Variants in RPL6 observed in about 807,000 individuals in gnomAD.
The protein encoded by RPL6 is ribosomal protein L6.
Under a neutral mutation model 32.1 loss-of-function variants are expected in RPL6, and 1 was observed. That is an observed-to-expected ratio of 0.03 (90% CI 0.01 to 0.15). The LOEUF (loss-of-function observed/expected upper bound fraction) is 0.15. Among genes scored for constraint, RPL6 ranks in the 10% least tolerant of loss-of-function variants. The pLI, the probability that RPL6 is intolerant of heterozygous loss-of-function variation, is 1.00. For synonymous variants in RPL6, 126 were observed against 131.6 expected (o/e 0.96, Z 0.29); for missense variants, 275 against 354.6 (o/e 0.78, Z 1.80).
chr12:112,409,248 G>A, intron 1 of RPL6: 2 of 385,204 alleles, frequency 5.2e-6, no homozygotes, highest in Non-Finnish European at 9.2e-6. Context: ...GACAGGCTCA[G>A]TGTCATCCTC....
At chr12:112,408,166 T>G in intron 3 of RPL6, 74 bp downstream of exon 3, 1 of 1,106,840 alleles carries the variant, frequency 9.0e-7, no homozygotes, top group African/African-American at 1.6e-5. Flanking sequence ...ACTTACAGTA[T>G]CTAAGTATTC....
chr12:112,416,118 C>G (rs1454896140), intron 1 of RPL6, among the ~76,000 whole-genome samples: 7 of 148,976 alleles, frequency 4.7e-5, no homozygotes, highest in African/African-American at 1.7e-4. Context: ...GCCACTGCAC[C>G]CAGCTAAATT....
chr12:112,405,462 C>A (rs982131965), intron 6 of RPL6, 86 bp from the exon 7 acceptor site: 2 of 1,288,434 alleles, frequency 1.6e-6, no homozygotes, highest in Non-Finnish European at 2.2e-6. Flanking sequence ...CTCACAAGTA[C>A]TAATCCCCAA....
At chr12:112,414,683 CACG>C (rs1415256230), upstream of RPL6, among the ~76,000 whole-genome samples, 9 of 152,142 alleles carry the variant, frequency 5.9e-5, no homozygotes, top group African/African-American at 1.9e-4. Context: ...TCGGGTGGAT[CACG>C]AGGTCAGGAG....
chr12:112,406,115 A>T (rs919030729), intron 5 of RPL6, 78 bp from the exon 6 acceptor site: 1 of 1,346,890 alleles, frequency 7.4e-7, no homozygotes, highest in Non-Finnish European at 1.0e-6. Context: ...ATTACTTGTT[A>T]TGTTGCTACA....
intron 2 of RPL6, 31 bp downstream of exon 2, chr12:112,408,389 G>A: frequency 6.2e-7 from 1 of 1,613,502 alleles, no homozygotes; most frequent in Non-Finnish European, 8.5e-7. Flanking sequence ...TTAAGGTTAA[G>A]ACATAATGGT....
chr12:112,411,697 G>A (rs1275964537), upstream of RPL6, among the ~76,000 whole-genome samples: 1 of 152,028 alleles, frequency 6.6e-6, no homozygotes, highest in African/African-American at 2.4e-5. Context: ...AAATAAAAAC[G>A]TAGATGAACC....
At chr12:112,417,337 C>T (rs868357893) in intron 1 of RPL6, among the ~76,000 whole-genome samples, 2 of 151,848 alleles carry the variant, frequency 1.3e-5, no homozygotes, top group Non-Finnish European at 2.9e-5. Context: ...GGATTACAGG[C>T]GTGAGCCACC....
rs760262795 is a variant in RPL6 at position 112,408,609 on chromosome 12, G to C, written c.48C>G (p.Pro16=). 5.7e-6 allele frequency: 9 copies of C among 1,585,516 alleles called. No individual in the cohort carries two copies. The highest frequency in any genetic ancestry group is 5.1e-6 in the Non-Finnish European group (6 of 1,173,820). ...VEKPDTKEKK[P]EAKKVDAGGK... ...CACCAGCATCAACCTTCTTGGCTTC[G>C]GGTTTCTTCTCTTTAGTATCTGGCT... Residue 16 remains proline (P), a synonymous_variant, in exon 2 of 7, where the codon CCC becomes CCG. Coordinates refer to ENST00000202773, the MANE Select transcript of RPL6 (RefSeq NM_000970.6).
At chr12:112,415,806 C>A (rs886559512) in intron 1 of RPL6, among the ~76,000 whole-genome samples, 2 of 151,072 alleles carry the variant, frequency 1.3e-5, no homozygotes, top group African/African-American at 4.9e-5. Context: ...CTCAAGAAAT[C>A]CTCCCACCTA....
At chr12:112,406,661 G>A (rs550553584) in intron 4 of RPL6, 86 bp downstream of exon 4, 2 of 1,518,712 alleles carry the variant, frequency 1.3e-6, no homozygotes, top group East Asian at 4.7e-5. Flanking sequence ...GGTAAATAAA[G>A]GAAAAGTACA....
upstream of RPL6, chr12:112,411,418 T>A (rs2037339821): frequency 6.6e-6 from 1 of 152,214 alleles, no homozygotes; most frequent in Non-Finnish European, 1.5e-5. Context: ...TGGGAATCAT[T>A]TAGCCTTTTT....
intron 4 of RPL6, 39 bp downstream of exon 4, chr12:112,406,708 G>T: frequency 6.2e-7 from 1 of 1,609,886 alleles, no homozygotes; most frequent in Non-Finnish European, 8.5e-7. Context: ...GGCACCCCAG[G>T]CAGCTGCAGT....
chr12:112,410,233 C>T, upstream of RPL6: 2 of 213,650 alleles, frequency 9.4e-6, no homozygotes, highest in South Asian at 8.1e-5. Context: ...GCGGGAGGAT[C>T]ACTTGAGTCT....
upstream of RPL6, among the ~76,000 whole-genome samples, chr12:112,413,258 C>T (rs759897085): frequency 2.0e-5 from 3 of 152,128 alleles, no homozygotes; most frequent in Non-Finnish European, 4.4e-5. Flanking sequence ...TGGAGTTGGC[C>T]GGGTGCGGTG....
rs1261486446 is a variant in RPL6 at position 112,405,705 on chromosome 12, CAATT to C, written c.714+144_714+147del. ...CTCCCAGACTGCCAAAAGAACTACT[CAATT>C]TAGAAGAATCTGGAATACTAAGTAT... On this transcript the variant is annotated intron_variant, in intron 6 of 6. Coordinates refer to ENST00000202773, the MANE Select transcript of RPL6 (RefSeq NM_000970.6). 5.5e-6 allele frequency: 4 copies of C among 726,970 alleles called. No homozygotes were observed. The East Asian group carries it at 1.1e-4, about 20-fold the overall frequency. 45.0% of individuals were successfully genotyped at this position (726,970 alleles called of 1,614,324 possible). A position where few individuals can be genotyped will look rare whatever the true frequency, so the allele number is the denominator to read the frequency against.
chr12:112,405,410 G>T (rs375788971), intron 6 of RPL6, 34 bp from the exon 7 acceptor site: 1 of 1,602,952 alleles, frequency 6.2e-7, no homozygotes, highest in Non-Finnish European at 8.5e-7. Context: ...TTTTAAAACA[G>T]GCACATACCA....
At position 112,417,789 on chromosome 12, in the gene RPL6, C is replaced by G. The variant is rs148477998; in HGVS notation, c.-229+939G>C. On this transcript the variant is annotated intron_variant, in intron 1 of 5. Coordinates refer to the RPL6 transcript ENST00000551291. ...CCTCTCACCTCAGCCTCCCGAGTAG[C>G]TGGGACTACAGGCGCGCGCCACCAC... Among the ~76,000 whole-genome samples the G allele has an allele frequency of 1.7e-3, 263 of 151,474 alleles. 1 individual carries two copies. Among genetic ancestry groups the G allele is most frequent in the African/African-American group, 6.2e-3 (256 of 41,258 alleles).
At chr12:112,410,314 C>T (rs2037320489), upstream of RPL6, 1 of 293,296 alleles carries the variant, frequency 3.4e-6, no homozygotes, top group Non-Finnish European at 6.9e-6. Flanking sequence ...TCCCCTCTTC[C>T]CTTACCTTGG....
Sources: gnomAD v4.1 joint callset for allele counts (sites outside exome capture counted in the v4.1 genomes callset) on GRCh38, gnomAD v4.1.1 for gene constraint, MANE v1.5 for transcripts, NCBI Gene and HGNC (gene_info 2026-07-23, HGNC 2026-07-21) for gene names.